COA6: variants seen among roughly 807,000 people sequenced by gnomAD.
COA6 encodes cytochrome c oxidase assembly factor 6.
A neutral mutation model predicts 17.1 loss-of-function variants in COA6; 12 were observed. That is an observed-to-expected ratio of 0.70 (90% CI 0.45 to 1.14). COA6 has a LOEUF of 1.14. Among genes scored for constraint, COA6 ranks in the 50% most tolerant of loss-of-function variants. The pLI, the probability that COA6 is intolerant of heterozygous loss-of-function variation, is 0.00. For missense variants in COA6, 246 were observed against 196.5 expected, an observed-to-expected ratio of 1.25 and a Z score of -1.51; for synonymous variants, 90 against 73.4, an observed-to-expected ratio of 1.23 and a Z score of -1.16.
chr1:234,382,097 AAG>A (rs1658989251), intron 2 of COA6, among the ~76,000 whole-genome samples: 4 of 152,214 alleles, frequency 2.6e-5, no homozygotes, highest in South Asian at 2.1e-4. Flanking sequence ...AACAAAGAAA[AAG>A]AGAGTTATTA....
Position 234,374,379 on chromosome 1 carries a change from C to A in COA6, c.362C>A (p.Pro121His), listed in dbSNP as rs753936136. ...KLRSSFESSC[P>H]QQWIKYFDKR... The stretch of plus-strand genomic sequence containing the variant: ...AGAAGCTCTTTCGAATCAAGTTGTC[C>A]CCAACAGTGGGTAAGTCACACTTTG... The change falls in exon 2 of 3, where the codon CCC (proline) becomes CAC (histidine). Residue 121 changes from proline (P) to histidine (H), a missense_variant. By Grantham distance (77) the Pro-to-His change is moderately conservative. Coordinates refer to ENST00000366615, the MANE Select transcript of COA6 (RefSeq NM_001206641.3). 1 of 1,613,870 alleles carries A rather than the reference C, an allele frequency of 6.2e-7. No individual in the cohort carries two copies.
In COA6 at chr1:234,384,387, G is replaced by C. The variant is rs1659070037; in HGVS notation, c.*569G>C. Among the ~76,000 whole-genome samples, 1 of 152,074 alleles carries C rather than the reference G, an allele frequency of 6.6e-6. No individual in the cohort carries two copies. The highest frequency in any genetic ancestry group is 2.1e-4 in the South Asian group (1 of 4,834). On this transcript the variant is annotated 3_prime_UTR_variant, in exon 3 of 3. Coordinates refer to ENST00000366615, the MANE Select transcript of COA6 (RefSeq NM_001206641.3). ...CACTGGGAAGGAAGAAAGAAAACTA[G>C]CTCTACTCACATATAATAAATACTA...
At position 234,377,971 on chromosome 1, in the gene COA6, C is replaced by T. The variant is rs118064271; in HGVS notation, c.372+3582C>T. 3.1e-4 allele frequency among the ~76,000 whole-genome samples: 47 copies of T among 152,338 alleles called. 1 individual carries two copies. In the East Asian group the frequency reaches 8.5e-3, roughly 28 times the overall value. On this transcript the variant is annotated intron_variant, in intron 2 of 2. Transcript: ENST00000366615. ...TGCAAGCTCTCTGTAACCAGTCTTG[C>T]TGCCAGGGGGTGAAGGAGAGGAATG...
Position 234,374,387 on chromosome 1 carries a change from T to C in COA6, c.370T>C (p.Trp124Arg). The C allele has an allele frequency of 1.9e-6, 3 of 1,613,952 alleles. No individual in the cohort carries two copies. The highest frequency in any genetic ancestry group is 2.5e-6 in the Non-Finnish European group (3 of 1,179,944). The change falls in exon 2 of 3, where the codon TGG becomes CGG. Residue 124 changes from tryptophan (W) to arginine (R), a missense_variant and splice_region_variant. By Grantham distance (101) the Trp-to-Arg change is moderately radical. Coordinates refer to ENST00000366615, the MANE Select transcript of COA6 (RefSeq NM_001206641.3). The stretch of plus-strand genomic sequence containing the variant: ...TTTCGAATCAAGTTGTCCCCAACAG[T>C]GGGTAAGTCACACTTTGATGTGTTT... ...SSFESSCPQQ[W>R]IKYFDKRRDY...
intron 2 of COA6, among the ~76,000 whole-genome samples, chr1:234,376,205 C>G (rs1311484927): frequency 6.6e-6 from 1 of 152,212 alleles, no homozygotes; most frequent in Non-Finnish European, 1.5e-5. Context: ...CTTTTATCCT[C>G]TCTCTCCTCC....
rs1347094020 is a variant in COA6, at chr1:234,384,806, A to G, written c.*988A>G. On this transcript the variant is annotated 3_prime_UTR_variant, in exon 3 of 3. Coordinates refer to ENST00000366615, the MANE Select transcript of COA6 (RefSeq NM_001206641.3). ...AATTTAAAAATCCAGTATAACACCT[A>G]TTTACATTGTATTAGGTATTGTAAG... 1.3e-5 allele frequency among the ~76,000 whole-genome samples: 2 copies of G among 152,334 alleles called. No homozygotes were observed. The highest frequency in any genetic ancestry group is 6.5e-5 in the Admixed American group (1 of 15,292).
intron 2 of COA6, among the ~76,000 whole-genome samples, chr1:234,374,878 C>T (rs57482186): frequency 0.084 from 12,847 of 152,162 alleles, 614 homozygotes; most frequent in Middle Eastern, 0.1. Context: ...GGCATTCAAG[C>T]GCTGTATCCC....
intron 2 of COA6, among the ~76,000 whole-genome samples, chr1:234,383,449 T>C (rs1659038288): frequency 6.6e-6 from 1 of 151,838 alleles, no homozygotes; most frequent in Non-Finnish European, 1.5e-5. Flanking sequence ...GGCGAGTTAC[T>C]GGGTGCAGCA....
intron 2 of COA6, among the ~76,000 whole-genome samples, chr1:234,376,939 G>C (rs7513305): frequency 0.54 from 81,824 of 150,344 alleles, 24,017 homozygotes; most frequent in African/African-American, 0.77. Context: ...AAATACCTTA[G>C]AGAAATTTAT....
intron 2 of COA6, 31 bp downstream of exon 2, chr1:234,374,420 C>G: frequency 6.2e-7 from 1 of 1,610,298 alleles, no homozygotes; most frequent in Non-Finnish European, 8.5e-7. Context: ...TTTCTCTTCC[C>G]TGTTAAGATA....
intron 2 of COA6, among the ~76,000 whole-genome samples, chr1:234,383,430 A>G (rs1191259277): frequency 6.6e-6 from 1 of 152,010 alleles, no homozygotes; most frequent in Non-Finnish European, 1.5e-5. Context: ...GGTATACCTA[A>G]TGTTAAATGG....
intron 1 of COA6, chr1:234,373,882 C>A: frequency 1.3e-6 from 2 of 1,594,002 alleles, no homozygotes; most frequent in South Asian, 1.1e-5. Context: ...GCTGTCCCCG[C>A]TTTACTGGTG....
chr1:234,373,717 C>T (rs1356736389), intron 1 of COA6, 39 bp downstream of exon 1: 9 of 1,613,744 alleles, frequency 5.6e-6, no homozygotes, highest in Admixed American at 5.0e-5. Flanking sequence ...CGCGCGTGGA[C>T]TATGGGCCCG....
chr1:234,377,283 C>G (rs1658834464), intron 2 of COA6, among the ~76,000 whole-genome samples: 1 of 151,858 alleles, frequency 6.6e-6, no homozygotes, highest in African/African-American at 2.4e-5. Flanking sequence ...CCCGCCACCA[C>G]ACCCAGTTAC....
At position 234,377,119 on chromosome 1, in the gene COA6, C is replaced by T. The variant is rs369299228; in HGVS notation, c.372+2730C>T. On this transcript the variant is annotated intron_variant, in intron 2 of 2. Coordinates refer to ENST00000366615, the MANE Select transcript of COA6 (RefSeq NM_001206641.3). The stretch of plus-strand genomic sequence containing the variant: ...GAGAGAGATCCAGTCTCTGTCTCCT[C>T]TTTTTTTGTTTTTTTTGTTGTTGTT... 1.7e-3 allele frequency among the ~76,000 whole-genome samples: 69 copies of T among 40,840 alleles called. 5 individuals are homozygous for T. Among genetic ancestry groups the T allele is most frequent in the South Asian group, 9.4e-3 (20 of 2,120 alleles). 26.8% of individuals were successfully genotyped at this position (40,840 alleles called of 152,430 possible).
chr1:234,373,918 G>T, intron 1 of COA6: 3 of 1,510,560 alleles, frequency 2.0e-6, no homozygotes, highest in Middle Eastern at 2.4e-4. Flanking sequence ...GAGAATAAAT[G>T]AGCTGCCCTA....
In COA6 at chr1:234,374,361, C is replaced by T; in HGVS notation, c.344C>T (p.Ser115Phe). ...TCTCAATGCAAGAAGTTAAGAAGCT[C>T]TTTCGAATCAAGTTGTCCCCAACAG... ...DASQCKKLRSSFESSCPQQWI... is the reference protein window; with the variant it reads ...DASQCKKLRSFFESSCPQQWI... Residue 115 changes from serine (S) to phenylalanine (F), a missense_variant, in exon 2 of 3, where the codon TCT becomes TTT. Physicochemically the swap from Ser to Phe is radical, Grantham distance 155 (BLOSUM62 -2). Coordinates refer to ENST00000366615, the MANE Select transcript of COA6 (RefSeq NM_001206641.3). The T allele has an allele frequency of 6.2e-7, 1 of 1,614,014 alleles. No homozygotes were observed. Among genetic ancestry groups the T allele is most frequent in the Non-Finnish European group, 8.5e-7 (1 of 1,179,994 alleles).
chr1:234,378,292 A>C (rs531881956), intron 2 of COA6, among the ~76,000 whole-genome samples: 1 of 152,128 alleles, frequency 6.6e-6, no homozygotes, highest in Non-Finnish European at 1.5e-5. Flanking sequence ...AGCACCTCCT[A>C]TGTGCCATAG....
At chr1:234,380,613 T>C (rs1176391835) in intron 2 of COA6, among the ~76,000 whole-genome samples, 1 of 152,184 alleles carries the variant, frequency 6.6e-6, no homozygotes, top group Non-Finnish European at 1.5e-5. Context: ...TATTACAAAA[T>C]AAATATGCCA....
Sources: gnomAD v4.1 joint callset for allele counts (sites outside exome capture counted in the v4.1 genomes callset) on GRCh38, gnomAD v4.1.1 for gene constraint, MANE v1.5 for transcripts, NCBI Gene and HGNC (gene_info 2026-07-23, HGNC 2026-07-21) for gene names.